ZC3H11A: variants seen among roughly 807,000 people sequenced by gnomAD.
ZC3H11A encodes the protein zinc finger CCCH-type containing 11A.
In ZC3H11A, 22 loss-of-function variants were observed where a neutral mutation model predicts 90.8. The observed-to-expected ratio is 0.24, with a 90% CI of 0.17 to 0.35. The LOEUF (loss-of-function observed/expected upper bound fraction) is 0.35. ZC3H11A is among the 10% of genes least tolerant of loss of function. ZC3H11A has a pLI of 1.00. For synonymous variants in ZC3H11A, 294 were observed against 339.8 expected (o/e 0.87, Z 1.48); for missense variants, 701 against 964.9 (o/e 0.73, Z 3.62).
Position 203,849,772 on chromosome 1 carries a change from T to C in ZC3H11A, c.1685T>C (p.Met562Thr). 6.2e-7 allele frequency: 1 copy of C among 1,613,780 alleles called. No individual in the cohort carries two copies. Among genetic ancestry groups the C allele is most frequent in the Non-Finnish European group, 8.5e-7 (1 of 1,179,846 alleles). ...TKIQVKRCETMREKHMQKQQE... is the reference protein window; with the variant it reads ...TKIQVKRCETTREKHMQKQQE... ...ATTCAAGTCAAGAGATGTGAGACCA[T>C]GAGAGAGAAGCACATGCAGAAACAG... Residue 562 changes from methionine (M) to threonine (T), a missense_variant, in exon 15 of 18, where the codon ATG becomes ACG. Transcript: ENST00000367210.
chr1:203,812,094 T>C (rs1674672608), intron 2 of ZC3H11A, among the ~76,000 whole-genome samples: 1 of 151,996 alleles, frequency 6.6e-6, no homozygotes, highest in South Asian at 2.1e-4. Context: ...TGGGATTACA[T>C]GTATGAGTCA....
At chr1:203,818,765 G>A (rs1677210116) in intron 4 of ZC3H11A, 76 bp downstream of exon 4, 5 of 1,603,102 alleles carry the variant, frequency 3.1e-6, no homozygotes, top group Non-Finnish European at 4.3e-6. Context: ...AGGGACAAAA[G>A]TGACTTTTAA....
In ZC3H11A at chr1:203,806,690, C is replaced by T. The variant is rs912712588; in HGVS notation, c.-146+3674C>T. ...GACTGTTGAATGGGTGTCCTTTTTT[C>T]GCTTATCTTGAGTTAGTTTACCTCT... On this transcript the variant is annotated intron_variant, in intron 2 of 17. Transcript: ENST00000367210. Among the ~76,000 whole-genome samples the T allele has an allele frequency of 7.9e-5, 12 of 152,178 alleles. No individual in the cohort carries two copies. The South Asian group carries it at 2.3e-3, about 29-fold the overall frequency.
Position 203,802,714 on chromosome 1 carries a change from C to CTTTTTTTTTTTTTTTTTTTTTTTTTTT in ZC3H11A, c.-439_-438insTTTTTTTTTTTTTTTTTTTTTTTTTTT, listed in dbSNP as rs150416242. On this transcript the variant is annotated 5_prime_UTR_variant, in exon 2 of 18. Transcript: ENST00000367210. Reference sequence around the variant, plus strand: ...TCTCAAGTTCATCTTTAAATGAACTCTTTTTTTTTGTTTTTTTTTTGTTTT... The same window carrying CTTTTTTTTTTTTTTTTTTTTTTTTTTT: ...TCTCAAGTTCATCTTTAAATGAACTCTTTTTTTTTTTTTTTTTTTTTTTTTTTTTTTTTTTTGTTTTTTTTTTGTTTT... The CTTTTTTTTTTTTTTTTTTTTTTTTTTT allele has an allele frequency of 7.6e-6, 1 of 131,660 alleles. No individual in the cohort carries two copies. The highest frequency in any genetic ancestry group is 2.7e-5 in the African/African-American group (1 of 36,472). 8.2% of individuals were successfully genotyped at this position (131,660 alleles called of 1,614,324 possible).
At chr1:203,809,691 C>T (rs1013698204) in intron 2 of ZC3H11A, among the ~76,000 whole-genome samples, 3 of 152,204 alleles carry the variant, frequency 2.0e-5, no homozygotes, top group Non-Finnish European at 4.4e-5. Context: ...CGGTGGCTCA[C>T]GGCTGTAATC....
chr1:203,839,507 A>G (rs1453213691), intron 11 of ZC3H11A, among the ~76,000 whole-genome samples: 1 of 152,106 alleles, frequency 6.6e-6, no homozygotes, highest in Admixed American at 6.5e-5. Context: ...GAAATAAGAA[A>G]CTTCTTTTAA....
intron 1 of ZC3H11A, chr1:203,798,856 G>C (rs905952489): frequency 6.5e-7 from 1 of 1,536,024 alleles, no homozygotes; most frequent in African/African-American, 1.4e-5. Flanking sequence ...CCTGATTATA[G>C]GTTGCCATCA....
rs1684945720 is a variant in ZC3H11A at position 203,838,108 on chromosome 1, C to T, written c.973+44C>T. ...ACTTTGTGTGTGTATGTAATTATGA[C>T]ACTTGTGTCTTGTAATGCTAACAGC... On this transcript the variant is annotated intron_variant, in intron 11 of 17. Coordinates refer to ENST00000367210, the MANE Select transcript of ZC3H11A (RefSeq NM_001376342.1). The T allele has an allele frequency of 1.9e-6, 3 of 1,564,410 alleles. No homozygotes were observed. The East Asian group carries it at 6.7e-5, about 35-fold the overall frequency.
chr1:203,813,355 C>T (rs1400702309), intron 2 of ZC3H11A, among the ~76,000 whole-genome samples: 1 of 152,066 alleles, frequency 6.6e-6, no homozygotes, highest in African/African-American at 2.4e-5. Context: ...CACAGGCATT[C>T]ACCACCATGC....
intron 2 of ZC3H11A, among the ~76,000 whole-genome samples, chr1:203,804,148 A>G (rs1489383022): frequency 2.3e-5 from 3 of 131,100 alleles, no homozygotes; most frequent in South Asian, 2.4e-4. Flanking sequence ...CTTCCTGTAT[A>G]TGTGTTTTTT....
intron 12 of ZC3H11A, among the ~76,000 whole-genome samples, chr1:203,842,872 A>G (rs1390411807): frequency 6.6e-6 from 1 of 150,688 alleles, no homozygotes; most frequent in Non-Finnish European, 1.5e-5. Context: ...AAGTATATAT[A>G]TGTACAGTTT....
intron 2 of ZC3H11A, among the ~76,000 whole-genome samples, chr1:203,815,318 G>C (rs1023445260): frequency 6.7e-5 from 9 of 134,554 alleles, no homozygotes; most frequent in African/African-American, 2.5e-4. Context: ...GGGTTCAAGT[G>C]ATTCTTGTGC....
Position 203,842,239 on chromosome 1 carries a change from A to C in ZC3H11A, c.1042+1865A>C, listed in dbSNP as rs1686579705. 1.3e-5 allele frequency among the ~76,000 whole-genome samples: 2 copies of C among 152,096 alleles called. 1 individual carries two copies. The highest frequency in any genetic ancestry group is 4.1e-4 in the South Asian group (2 of 4,826). ...CTGCAATCTCAGCACTTTGGGAGGC[A>C]AGGCAGGCGGCTGGGAGGTGGAGGT... On this transcript the variant is annotated intron_variant, in intron 12 of 17. Transcript: ENST00000367210.
At chr1:203,838,322 G>A (rs1171856078) in intron 11 of ZC3H11A, among the ~76,000 whole-genome samples, 1 of 152,206 alleles carries the variant, frequency 6.6e-6, no homozygotes, top group Non-Finnish European at 1.5e-5. Context: ...GATAAATTTT[G>A]TAACAGAGAA....
intron 2 of ZC3H11A, 63 bp downstream of exon 2, chr1:203,803,079 A>G (rs915051575): frequency 1.3e-5 from 2 of 152,496 alleles, no homozygotes; most frequent in Admixed American, 6.5e-5. Flanking sequence ...TTTAAGGCAT[A>G]ATTTTCATGG....
intron 14 of ZC3H11A, among the ~76,000 whole-genome samples, chr1:203,848,626 G>A (rs57003755): frequency 1.6e-4 from 25 of 152,086 alleles, no homozygotes; most frequent in African/African-American, 4.6e-4. Flanking sequence ...GGTGGCTCAC[G>A]CCTGTAATCC....
chr1:203,842,902 A>G (rs550329760), intron 12 of ZC3H11A, among the ~76,000 whole-genome samples: 1 of 143,136 alleles, frequency 7.0e-6, no homozygotes, highest in African/African-American at 2.6e-5. Context: ...TAAAATGAAC[A>G]TCCATGTATT....
At chr1:203,832,424 G>A (rs1332075067) in intron 9 of ZC3H11A, among the ~76,000 whole-genome samples, 3 of 151,534 alleles carry the variant, frequency 2.0e-5, no homozygotes, top group African/African-American at 4.9e-5. Flanking sequence ...GCAATGGTGC[G>A]ATCTCCACTC....
At chr1:203,844,610 G>A (rs1173567657) in intron 12 of ZC3H11A, among the ~76,000 whole-genome samples, 1 of 151,638 alleles carries the variant, frequency 6.6e-6, no homozygotes, top group Non-Finnish European at 1.5e-5. Flanking sequence ...ACCTGGCTTG[G>A]GTTTCCTTTC....
Sources: gnomAD v4.1 joint callset for allele counts (sites outside exome capture counted in the v4.1 genomes callset) on GRCh38, gnomAD v4.1.1 for gene constraint, MANE v1.5 for transcripts, NCBI Gene and HGNC (gene_info 2026-07-23, HGNC 2026-07-21) for gene names.